Variants in PDE1C observed in about 807,000 individuals in gnomAD.
PDE1C encodes the protein dual specificity calcium/calmodulin-dependent 3',5'-cyclic nucleotide phosphodiesterase 1C.
In PDE1C, 62 loss-of-function variants were observed where a neutral mutation model predicts 93.1. The ratio of observed to expected loss-of-function variants is 0.67; its 90% CI spans 0.54 to 0.82. The LOEUF is 0.82. PDE1C is among the 40% of genes least tolerant of loss of function. The pLI is 0.00. For missense variants in PDE1C, 742 were observed against 884.6 expected (o/e 0.84, Z 2.04); for synonymous variants, 325 against 310.1 (o/e 1.05, Z -0.50).
At chr7:32,175,762 A>G (rs1054441769) in intron 2 of PDE1C, among the ~76,000 whole-genome samples, 7 of 152,190 alleles carry the variant, frequency 4.6e-5, no homozygotes, top group Non-Finnish European at 8.8e-5. Context: ...TGAGCGTCCT[A>G]TCTATCTCAC....
In PDE1C at chr7:31,854,033, T is replaced by C. The variant is rs62455982; in HGVS notation, c.751-3292A>G. ...TGAGCAACTGTGCCTGGCTAAAAGC[T>C]GTATTTTTAGATTGAAAAGTTCATA... On this transcript the variant is annotated intron_variant, in intron 7 of 17. Coordinates refer to ENST00000396191, the MANE Select transcript of PDE1C (RefSeq NM_001191057.4). Among the ~76,000 whole-genome samples, 1,218 of 152,218 alleles carry C rather than the reference T, an allele frequency of 8.0e-3. 34 individuals carry two copies. The highest frequency in any genetic ancestry group is 0.073 in the East Asian group (379 of 5,160).
At chr7:31,953,270 T>C (rs1807661116) in intron 2 of PDE1C, among the ~76,000 whole-genome samples, 1 of 152,146 alleles carries the variant, frequency 6.6e-6, no homozygotes, top group African/African-American at 2.4e-5. Context: ...CCCCAGCAGG[T>C]TCTACCCATA....
chr7:31,793,202 A>C (rs1035235440), intron 16 of PDE1C, among the ~76,000 whole-genome samples: 1 of 152,064 alleles, frequency 6.6e-6, no homozygotes, highest in Non-Finnish European at 1.5e-5. Flanking sequence ...TGATTTAAAG[A>C]TAATTGGTTT....
At chr7:32,403,516 C>T (rs1784992304) in intron 1 of PDE1C, among the ~76,000 whole-genome samples, 2 of 152,184 alleles carry the variant, frequency 1.3e-5, no homozygotes, top group South Asian at 4.1e-4. Context: ...GTCATGTCAT[C>T]AATGTAAACT....
the PDE1C span, among the ~76,000 whole-genome samples, chr7:31,638,391 C>T: frequency 6.6e-6 from 1 of 152,262 alleles, no homozygotes; most frequent in South Asian, 2.1e-4. Context: ...AAAAGTCGCA[C>T]ATCAGAGTTA....
At chr7:32,320,072 A>C (rs1220062884) in intron 1 of PDE1C, among the ~76,000 whole-genome samples, 1 of 152,182 alleles carries the variant, frequency 6.6e-6, no homozygotes, top group Non-Finnish European at 1.5e-5. Context: ...CAATTCAGTG[A>C]ACATTAATTT....
At chr7:31,903,252 ATAT>A (rs1800202415) in intron 2 of PDE1C, among the ~76,000 whole-genome samples, 4 of 152,084 alleles carry the variant, frequency 2.6e-5, no homozygotes, top group South Asian at 2.1e-4. Context: ...ATACTACATA[ATAT>A]TGTTTTAAAA....
At chr7:31,691,157 G>A in the PDE1C span, among the ~76,000 whole-genome samples, 1 of 152,174 alleles carries the variant, frequency 6.6e-6, no homozygotes, top group African/African-American at 2.4e-5. Context: ...TCTGCACAGA[G>A]TGACTCTAAA....
In PDE1C at chr7:31,791,887, G is replaced by A. The variant is rs181875234; in HGVS notation, c.1892-16155C>T. Reference sequence around the variant, plus strand: ...AATGAAATCCAAAGGCTGCTAAAACGAGATATTCCTCCATTTCTAATCACT... The same window carrying A: ...AATGAAATCCAAAGGCTGCTAAAACAAGATATTCCTCCATTTCTAATCACT... On this transcript the variant is annotated intron_variant, in intron 16 of 17. Transcript: ENST00000396191. 2.7e-3 allele frequency among the ~76,000 whole-genome samples: 418 copies of A among 152,142 alleles called. 4 individuals carry two copies. Among genetic ancestry groups the A allele is most frequent in the African/African-American group, 9.4e-3 (392 of 41,508 alleles).
chr7:31,689,036 GA>G, the PDE1C span, among the ~76,000 whole-genome samples: 69 of 152,316 alleles, frequency 4.5e-4, no homozygotes, highest in African/African-American at 1.6e-3. Context: ...TTTTGCTGCA[GA>G]AATAATGGAT....
chr7:32,136,198 C>A lies in PDE1C; in HGVS notation c.308+33587G>T, dbSNP rs559581424. On this transcript the variant is annotated intron_variant, in intron 3 of 18. Coordinates refer to the PDE1C transcript ENST00000396193. ...CAAGTTAAGGGGATCTAATATACAG[C>A]ATGAGTGGAGAAGGATGTGCTCATT... is the stretch of plus-strand genomic sequence containing the variant. 4.6e-5 allele frequency among the ~76,000 whole-genome samples: 7 copies of A among 152,180 alleles called. No homozygotes were observed. In the South Asian group the frequency reaches 1.5e-3, roughly 32 times the overall value.
the PDE1C span, among the ~76,000 whole-genome samples, chr7:31,659,197 T>C: frequency 6.6e-6 from 1 of 152,250 alleles, no homozygotes; most frequent in African/African-American, 2.4e-5. Context: ...TTGGATCATT[T>C]ATATTCTTCT....
chr7:31,938,340 T>G (rs1157723070), intron 2 of PDE1C, among the ~76,000 whole-genome samples: 1 of 151,056 alleles, frequency 6.6e-6, no homozygotes, highest in Non-Finnish European at 1.5e-5. Context: ...ATTCACATAT[T>G]TGGGTAATTC....
At chr7:31,996,086 C>T (rs1204054713) in intron 2 of PDE1C, among the ~76,000 whole-genome samples, 1 of 151,498 alleles carries the variant, frequency 6.6e-6, no homozygotes, top group African/African-American at 2.4e-5. Flanking sequence ...CACACACACA[C>T]ACACACACAC....
intron 2 of PDE1C, among the ~76,000 whole-genome samples, chr7:32,017,125 A>G (rs1342492928): frequency 1.3e-5 from 2 of 152,200 alleles, no homozygotes; most frequent in Non-Finnish European, 2.9e-5. Flanking sequence ...ACTGAGACTC[A>G]ATAAAGCTAA....
intron 1 of PDE1C, among the ~76,000 whole-genome samples, chr7:32,421,845 G>C (rs1330579703): frequency 6.6e-6 from 1 of 152,154 alleles, no homozygotes; most frequent in Non-Finnish European, 1.5e-5. Flanking sequence ...CTGTACAGAA[G>C]CTTCCTAACA....
chr7:31,686,682 T>A, the PDE1C span: 9 of 152,198 alleles, frequency 5.9e-5, no homozygotes, highest in Non-Finnish European at 1.0e-4. Flanking sequence ...ATGATGACTG[T>A]AGCTCATCTC....
At chr7:32,005,663 T>TA (rs1263711845) in intron 2 of PDE1C, among the ~76,000 whole-genome samples, 5 of 151,278 alleles carry the variant, frequency 3.3e-5, no homozygotes, top group Non-Finnish European at 7.4e-5. Context: ...TGAGTGTATA[T>TA]TAGTATAAAA....
intron 2 of PDE1C, among the ~76,000 whole-genome samples, chr7:31,960,936 T>G (rs1808850643): frequency 6.6e-6 from 1 of 152,144 alleles, no homozygotes; most frequent in South Asian, 2.1e-4. Flanking sequence ...CTCCTGTTCA[T>G]GCATTTCCCA....
Sources: allele counts gnomAD v4.1 joint callset (sites outside exome capture counted in the v4.1 genomes callset), GRCh38; gene constraint gnomAD v4.1.1; transcripts MANE v1.5; gene names NCBI Gene and HGNC (gene_info 2026-07-23, HGNC 2026-07-21).